Variants in ZDHHC21 observed in about 807,000 individuals in gnomAD.
ZDHHC21 encodes palmitoyltransferase ZDHHC21.
ZDHHC21 carries 15 observed loss-of-function variants against 34.6 expected under a neutral mutation model. The observed-to-expected ratio is 0.43, with a 90% confidence interval of 0.29 to 0.67. The LOEUF is 0.67. Ranked by LOEUF, ZDHHC21 falls within the 30% of genes least tolerant of loss-of-function variation. The pLI, the probability that ZDHHC21 is intolerant of heterozygous loss-of-function variation, is 0.14. For missense variants in ZDHHC21, 344 were observed against 327.7 expected, an observed-to-expected ratio of 1.05 and a Z score of -0.38; for synonymous variants, 142 against 101.8, an observed-to-expected ratio of 1.40 and a Z score of -2.38.
intron 2 of ZDHHC21, among the ~76,000 whole-genome samples, chr9:14,687,734 C>A (rs918843834): frequency 5.3e-5 from 8 of 150,792 alleles, no homozygotes; most frequent in Middle Eastern, 3.2e-3. Flanking sequence ...AAAATTGGAA[C>A]AACAAAACAA....
At chr9:14,681,743 G>A (rs1217065410) in intron 2 of ZDHHC21, among the ~76,000 whole-genome samples, 1 of 151,668 alleles carries the variant, frequency 6.6e-6, no homozygotes, top group Non-Finnish European at 1.5e-5. Flanking sequence ...GTGTGTGTGT[G>A]TGTGTGTGTG....
intron 7 of ZDHHC21, among the ~76,000 whole-genome samples, chr9:14,647,251 G>C (rs1004831495): frequency 1.3e-5 from 2 of 152,096 alleles, no homozygotes; most frequent in Non-Finnish European, 2.9e-5. Flanking sequence ...ATTTTTAAAT[G>C]TTACAAAACT....
At chr9:14,646,622 A>G (rs1456681369) in intron 7 of ZDHHC21, among the ~76,000 whole-genome samples, 1 of 152,088 alleles carries the variant, frequency 6.6e-6, no homozygotes, top group African/African-American at 2.4e-5. Context: ...TATTTCTCAG[A>G]CATAGCTAGC....
At chr9:14,650,474 T>A (rs12000992) in intron 7 of ZDHHC21, among the ~76,000 whole-genome samples, 5,607 of 152,048 alleles carry the variant, frequency 0.037, 344 homozygotes, top group African/African-American at 0.13. Context: ...TTTTCCATTC[T>A]TCAGTGAACA....
chr9:14,618,745 C>T lies in ZDHHC21; in HGVS notation c.*221G>A. 2.5e-6 allele frequency: 1 copy of T among 397,526 alleles called. No homozygotes were observed. The allele number at this position is 397,526 out of a possible 1,614,324, so 24.6% of individuals were successfully genotyped here. A position where few individuals can be genotyped will look rare whatever the true frequency, so the allele number is the denominator to read the frequency against. On this transcript the variant is annotated 3_prime_UTR_variant, in exon 10 of 10. Coordinates refer to ENST00000380916, the MANE Select transcript of ZDHHC21 (RefSeq NM_178566.6). The stretch of plus-strand genomic sequence containing the variant: ...CATTTCAAGAAATCCCTGTGGAAAG[C>T]TAATTTGAAAGTAAACATGCTTTAA...
downstream of ZDHHC21, among the ~76,000 whole-genome samples, chr9:14,610,021 A>G (rs557639025): frequency 6.6e-6 from 1 of 150,862 alleles, no homozygotes; most frequent in South Asian, 2.1e-4. Flanking sequence ...ACATAAAATC[A>G]TGGGTCTCTA....
At chr9:14,603,437 G>A in the ZDHHC21 span, among the ~76,000 whole-genome samples, 1 of 151,886 alleles carries the variant, frequency 6.6e-6, no homozygotes, top group Non-Finnish European at 1.5e-5. Context: ...ATACTTCAAG[G>A]ACACAAATGA....
chr9:14,664,114 G>A (rs956356865), intron 5 of ZDHHC21, among the ~76,000 whole-genome samples: 19 of 152,252 alleles, frequency 1.2e-4, no homozygotes, highest in Non-Finnish European at 2.4e-4. Context: ...CATCTCACTA[G>A]GGAGTGCCAG....
At chr9:14,640,346 C>A (rs1054451406) in intron 7 of ZDHHC21, among the ~76,000 whole-genome samples, 1 of 148,748 alleles carries the variant, frequency 6.7e-6, no homozygotes. Flanking sequence ...AAAGAAAAAC[C>A]CAAAACAAAA....
chr9:14,596,294 G>T, the ZDHHC21 span, among the ~76,000 whole-genome samples: 37 of 152,318 alleles, frequency 2.4e-4, no homozygotes, highest in East Asian at 6.9e-3. Flanking sequence ...CTTCAGTAGT[G>T]GTGGTAGCCA....
chr9:14,675,489 G>A (rs1205638784), intron 3 of ZDHHC21, among the ~76,000 whole-genome samples: 8 of 151,814 alleles, frequency 5.3e-5, no homozygotes, highest in African/African-American at 1.9e-4. Flanking sequence ...GTTGTAAAAT[G>A]CTCTGCAAGA....
At chr9:14,677,841 A>C (rs978545808) in intron 3 of ZDHHC21, among the ~76,000 whole-genome samples, 12 of 152,136 alleles carry the variant, frequency 7.9e-5, no homozygotes, top group African/African-American at 2.7e-4. Context: ...ACTGTATTTC[A>C]CCATATATTC....
intron 5 of ZDHHC21, among the ~76,000 whole-genome samples, chr9:14,669,526 ATCATGCTGCTATAAAGAC>A (rs1460233715): frequency 6.6e-6 from 1 of 151,694 alleles, no homozygotes; most frequent in East Asian, 1.9e-4. Context: ...ATGACTATAA[ATCATGCTGCTATAAAGAC>A]ACATGCACAC....
intron 6 of ZDHHC21, among the ~76,000 whole-genome samples, chr9:14,660,326 T>C (rs1395059110): frequency 1.6e-5 from 2 of 122,958 alleles, no homozygotes; most frequent in Non-Finnish European, 3.1e-5. Flanking sequence ...GAGGTTGAGA[T>C]CATGCCACTG....
chr9:14,629,230 G>C (rs550990012), intron 8 of ZDHHC21, among the ~76,000 whole-genome samples: 1 of 152,288 alleles, frequency 6.6e-6, no homozygotes, highest in Non-Finnish European at 1.5e-5. Context: ...AGAAAGAGAT[G>C]AAACTTTTGG....
intron 3 of ZDHHC21, among the ~76,000 whole-genome samples, chr9:14,679,398 G>C (rs1427867329): frequency 1.4e-4 from 21 of 152,104 alleles, no homozygotes; most frequent in Admixed American, 1.2e-3. Context: ...AAAATTAAGT[G>C]TTCGGGAAGC....
chr9:14,658,557 G>A (rs1216106850), intron 7 of ZDHHC21, among the ~76,000 whole-genome samples, 192 bp downstream of exon 7: 4 of 126,580 alleles, frequency 3.2e-5, no homozygotes. Flanking sequence ...TGCAGGCTCC[G>A]CCCCCTGGGG....
At chr9:14,679,570 T>C (rs1411137233) in intron 3 of ZDHHC21, among the ~76,000 whole-genome samples, 1 of 152,150 alleles carries the variant, frequency 6.6e-6, no homozygotes, top group African/African-American at 2.4e-5. Context: ...AAAGGAAGGC[T>C]TTCAAATATT....
At position 14,687,786 on chromosome 9, in the gene ZDHHC21, A is replaced by C. The variant is rs992370055; in HGVS notation, c.-176+2551T>G. On this transcript the variant is annotated intron_variant, in intron 2 of 9. Coordinates refer to ENST00000380916, the MANE Select transcript of ZDHHC21 (RefSeq NM_178566.6). Reference sequence around the variant, plus strand: ...CTATAAAATGTCATTAAATATTTTTAATATTGCTACGCCTGAAAGAATACA... The same window carrying C: ...CTATAAAATGTCATTAAATATTTTTCATATTGCTACGCCTGAAAGAATACA... Among the ~76,000 whole-genome samples, 25 of 151,176 alleles carry C rather than the reference A, an allele frequency of 1.7e-4. 1 individual carries two copies. Among genetic ancestry groups the C allele is most frequent in the African/African-American group, 6.2e-4 (25 of 40,420 alleles).
Sources: allele counts gnomAD v4.1 joint callset (sites outside exome capture counted in the v4.1 genomes callset), GRCh38; gene constraint gnomAD v4.1.1; transcripts MANE v1.5; gene names NCBI Gene and HGNC (gene_info 2026-07-23, HGNC 2026-07-21).